STPG2: variants seen among roughly 807,000 people sequenced by gnomAD.
STPG2 encodes sperm tail PG-rich repeat containing 2.
A neutral mutation model predicts 54.2 loss-of-function variants in STPG2; 56 were observed. The observed-to-expected ratio is 1.03, with a 90% CI of 0.83 to 1.29. STPG2 has a LOEUF of 1.29. STPG2 is among the 50% of genes most tolerant of loss of function. The pLI, the probability that STPG2 is intolerant of heterozygous loss-of-function variation, is 0.00. For missense variants in STPG2, 596 were observed against 544.9 expected, an observed-to-expected ratio of 1.09 and a Z score of -0.93; for synonymous variants, 200 against 181.8, an observed-to-expected ratio of 1.10 and a Z score of -0.81.
intron 5 of STPG2, among the ~76,000 whole-genome samples, chr4:98,039,638 T>C (rs1228927419): frequency 2.0e-5 from 3 of 151,468 alleles, no homozygotes; most frequent in Non-Finnish European, 4.4e-5. Context: ...AGTATATTCA[T>C]GTAACAAAAC....
At chr4:97,466,226 C>T (rs557403507) in intron 4 of STPG2, among the ~76,000 whole-genome samples, 3 of 152,012 alleles carry the variant, frequency 2.0e-5, no homozygotes, top group Non-Finnish European at 4.4e-5. Flanking sequence ...GCCGTAGAGT[C>T]TATTTGTCTG....
chr4:97,740,864 T>C (rs564880411), intron 9 of STPG2, among the ~76,000 whole-genome samples: 1 of 152,180 alleles, frequency 6.6e-6, no homozygotes, highest in African/African-American at 2.4e-5. Context: ...AAAAAACTAC[T>C]TTAAAGTTCA....
At chr4:97,566,090 C>T (rs1291077399) in intron 10 of STPG2, among the ~76,000 whole-genome samples, 2 of 152,176 alleles carry the variant, frequency 1.3e-5, no homozygotes, top group Non-Finnish European at 2.9e-5. Flanking sequence ...GGGCTCCACC[C>T]AGTTCGAGCT....
chr4:97,473,696 C>T lies in STPG2; in HGVS notation c.462+239003G>A, dbSNP rs191651996. Among the ~76,000 whole-genome samples the T allele has an allele frequency of 4.4e-3, 665 of 152,284 alleles. 3 individuals carry two copies. The highest frequency in any genetic ancestry group is 7.5e-3 in the Non-Finnish European group (511 of 68,036). On this transcript the variant is annotated intron_variant, in intron 4 of 4. Coordinates refer to the STPG2 transcript ENST00000522676. ...ACACCCTATTCAAACACTCCCTCCC[C>T]TTTTGAAAATCACTAATAAAAACTT...
rs867859712 is a variant in STPG2 at position 97,454,552 on chromosome 4, A to G, written c.462+258147T>C. On this transcript the variant is annotated intron_variant, in intron 4 of 4. Transcript: ENST00000522676. ...AAAAAAAAAAAAAAAAAAAAAAAAA[A>G]AAAAAGAAAAGGGATTCAAAAGTTG... Among the ~76,000 whole-genome samples the G allele has an allele frequency of 3.5e-3, 501 of 142,994 alleles. 3 individuals carry two copies. The highest frequency in any genetic ancestry group is 0.017 in the South Asian group (81 of 4,654). The allele number at this position is 142,994 out of a possible 152,430, so 93.8% of individuals were successfully genotyped here. A position where few individuals can be genotyped will look rare whatever the true frequency, so the allele number is the denominator to read the frequency against.
chr4:97,981,851 ATAT>A (rs1734690377), intron 5 of STPG2, among the ~76,000 whole-genome samples: 2 of 137,562 alleles, frequency 1.5e-5, no homozygotes, highest in Non-Finnish European at 3.2e-5. Context: ...ATATATATAT[ATAT>A]AACTATAAAT....
rs13104448 is a variant in STPG2, at chr4:97,613,140, A to C, written c.1321-54023T>G. 5.6e-3 allele frequency among the ~76,000 whole-genome samples: 848 copies of C among 152,164 alleles called. 3 individuals are homozygous for C. The highest frequency in any genetic ancestry group is 9.0e-3 in the Non-Finnish European group (615 of 67,960). On this transcript the variant is annotated intron_variant, in intron 10 of 10. Coordinates refer to ENST00000295268, the MANE Select transcript of STPG2 (RefSeq NM_174952.3). The stretch of plus-strand genomic sequence containing the variant: ...TTAAACTCCAGAATTTTCTTTTTCA[A>C]CAGTTTTTCCACTAATGTCCTCTTC...
At chr4:97,737,109 G>A (rs556280892) in intron 9 of STPG2, among the ~76,000 whole-genome samples, 80 of 152,320 alleles carry the variant, frequency 5.3e-4, no homozygotes, top group African/African-American at 1.2e-3. Flanking sequence ...AGGGTCTGGA[G>A]TGGACCTCTA....
chr4:97,949,644 G>A lies in STPG2; in HGVS notation c.934-5637C>T, dbSNP rs1045503417. On this transcript the variant is annotated intron_variant, in intron 7 of 10. Coordinates refer to ENST00000295268, the MANE Select transcript of STPG2 (RefSeq NM_174952.3). ...CAGCACTTATTTGTCTGAAAATGAC[G>A]TAGTTTTGCTGGATACAAAATTTTT... is the stretch of plus-strand genomic sequence containing the variant. 4.1e-4 allele frequency among the ~76,000 whole-genome samples: 62 copies of A among 151,478 alleles called. 1 individual carries two copies. Among genetic ancestry groups the A allele is most frequent in the Non-Finnish European group, 1.3e-4 (9 of 67,534 alleles).
At chr4:97,949,224 T>C (rs1733368399) in intron 7 of STPG2, among the ~76,000 whole-genome samples, 2 of 152,162 alleles carry the variant, frequency 1.3e-5, no homozygotes, top group South Asian at 2.1e-4. Flanking sequence ...TTATCTAATA[T>C]AAGAATAGCT....
chr4:97,782,101 T>G (rs1394251393), intron 9 of STPG2, among the ~76,000 whole-genome samples: 1 of 152,132 alleles, frequency 6.6e-6, no homozygotes. Flanking sequence ...GCAGGAGAAA[T>G]CAATAAAGGG....
intron 7 of STPG2, among the ~76,000 whole-genome samples, 193 bp downstream of exon 7, chr4:97,972,087 T>G (rs989450598): frequency 6.6e-6 from 1 of 152,172 alleles, no homozygotes; most frequent in Non-Finnish European, 1.5e-5. Flanking sequence ...GAAATTCAAT[T>G]TGTGTTTTTT....
intron 10 of STPG2, among the ~76,000 whole-genome samples, chr4:97,620,321 G>T (rs1293698148): frequency 6.6e-6 from 1 of 152,184 alleles, no homozygotes; most frequent in Non-Finnish European, 1.5e-5. Context: ...GTTTTTCAAA[G>T]AAATTATTTT....
intron 8 of STPG2, among the ~76,000 whole-genome samples, chr4:97,848,212 C>G (rs1349579543): frequency 1.3e-5 from 2 of 152,006 alleles, no homozygotes; most frequent in Non-Finnish European, 2.9e-5. Context: ...TCTTGAGAAC[C>G]CTAGCTAGAA....
At chr4:97,723,897 C>CCGTG (rs1724536940) in intron 9 of STPG2, among the ~76,000 whole-genome samples, 1 of 152,148 alleles carries the variant, frequency 6.6e-6, no homozygotes, top group South Asian at 2.1e-4. Flanking sequence ...CAATCACCTC[C>CCGTG]AACCAGGTCC....
At chr4:97,683,008 T>C (rs1462415189) in intron 10 of STPG2, among the ~76,000 whole-genome samples, 1 of 151,814 alleles carries the variant, frequency 6.6e-6, no homozygotes, top group Non-Finnish European at 1.5e-5. Context: ...ATGTATTGGG[T>C]CAGTATTTCA....
intron 5 of STPG2, among the ~76,000 whole-genome samples, chr4:98,065,431 T>C (rs1046717955): frequency 2.6e-5 from 4 of 152,178 alleles, no homozygotes; most frequent in African/African-American, 9.6e-5. Context: ...TTAGAAGTTA[T>C]AACGACAATA....
rs533099489 is a variant in STPG2 at position 97,887,900 on chromosome 4, C to T, written c.1045-46968G>A. ...CCCTGTGCAGCCTTGGGAAACTGCT[C>T]CCTGCATCCCAGCCACTCCAGCCTC... On this transcript the variant is annotated intron_variant, in intron 8 of 10. Coordinates refer to ENST00000295268, the MANE Select transcript of STPG2 (RefSeq NM_174952.3). Among the ~76,000 whole-genome samples the T allele has an allele frequency of 9.5e-4, 144 of 152,272 alleles. 1 individual carries two copies. In the South Asian group the frequency reaches 0.029, roughly 30 times the overall value.
chr4:97,558,706 A>C (rs1039789430), downstream of STPG2, among the ~76,000 whole-genome samples: 13 of 152,220 alleles, frequency 8.5e-5, no homozygotes, highest in African/African-American at 3.1e-4. Flanking sequence ...GGAGACACCT[A>C]GATTGCAGAC....
Sources: gnomAD v4.1 joint callset for allele counts (sites outside exome capture counted in the v4.1 genomes callset) on GRCh38, gnomAD v4.1.1 for gene constraint, MANE v1.5 for transcripts, NCBI Gene and HGNC (gene_info 2026-07-23, HGNC 2026-07-21) for gene names.